SLC8A1: variants seen among roughly 807,000 people sequenced by gnomAD.
The protein encoded by SLC8A1 is sodium/calcium exchanger 1.
In SLC8A1, 18 loss-of-function variants were observed where a neutral mutation model predicts 68.3. The observed-to-expected ratio is 0.26, with a 90% confidence interval of 0.18 to 0.39. The LOEUF is 0.39. SLC8A1 is among the 10% of genes least tolerant of loss of function. The pLI is 1.00. For missense variants in SLC8A1, 985 were observed against 1,156.7 expected, an observed-to-expected ratio of 0.85 and a Z score of 2.15; for synonymous variants, 475 against 415.5, an observed-to-expected ratio of 1.14 and a Z score of -1.74.
chr2:40,124,059 C>T (rs1034526110), intron 7 of SLC8A1, among the ~76,000 whole-genome samples: 3 of 152,224 alleles, frequency 2.0e-5, no homozygotes, highest in Non-Finnish European at 4.4e-5. Flanking sequence ...CTCAAATTCT[C>T]TTCTCTCCTA....
intron 2 of SLC8A1, among the ~76,000 whole-genome samples, chr2:40,233,064 T>G (rs2059897932): frequency 6.6e-6 from 1 of 152,158 alleles, no homozygotes; most frequent in Non-Finnish European, 1.5e-5. Flanking sequence ...AACATACGTG[T>G]GCATGTGTCT....
chr2:40,447,891 T>C (rs1701743049), intron 1 of SLC8A1, among the ~76,000 whole-genome samples: 1 of 152,220 alleles, frequency 6.6e-6, no homozygotes, highest in African/African-American at 2.4e-5. Context: ...CTTCCACATG[T>C]TCCCCTCCTT....
At chr2:40,154,557 G>A (rs1393987227) in intron 6 of SLC8A1, among the ~76,000 whole-genome samples, 1 of 141,358 alleles carries the variant, frequency 7.1e-6, no homozygotes, top group African/African-American at 2.6e-5. Flanking sequence ...TCGATCTTCT[G>A]ACCTCATGAT....
chr2:40,381,515 T>A (rs1214106768), intron 2 of SLC8A1, among the ~76,000 whole-genome samples: 2 of 151,926 alleles, frequency 1.3e-5, no homozygotes, highest in African/African-American at 4.8e-5. Context: ...AAAATTTTAT[T>A]CATCTCACAG....
intron 2 of SLC8A1, among the ~76,000 whole-genome samples, chr2:40,247,919 A>C (rs534306622): frequency 1.3e-5 from 2 of 152,310 alleles, no homozygotes; most frequent in African/African-American, 4.8e-5. Context: ...AGGCAAAAAT[A>C]AACTTATGTC....
chr2:40,439,888 T>C (rs116068006), intron 1 of SLC8A1, among the ~76,000 whole-genome samples: 2,597 of 152,252 alleles, frequency 0.017, 62 homozygotes, highest in African/African-American at 0.06. Flanking sequence ...TGTTGTATGC[T>C]ACAATTTTCT....
At chr2:40,228,318 T>G (rs1187849620) in intron 2 of SLC8A1, among the ~76,000 whole-genome samples, 1 of 152,236 alleles carries the variant, frequency 6.6e-6, no homozygotes, top group Non-Finnish European at 1.5e-5. Flanking sequence ...AATATGCTTA[T>G]GTAAGAATTC....
chr2:40,110,221 G>A (rs1334116836), exon 8 of SLC8A1: 3 of 151,708 alleles, frequency 2.0e-5, no homozygotes, highest in Non-Finnish European at 4.4e-5. Flanking sequence ...TTTGAGAGAC[G>A]ATTAATCATG....
intron 2 of SLC8A1, among the ~76,000 whole-genome samples, chr2:40,369,776 G>A: frequency 6.6e-6 from 1 of 152,058 alleles, no homozygotes; most frequent in East Asian, 1.9e-4. Flanking sequence ...AGAGCCAATT[G>A]AGGAATCATC....
chr2:40,173,520 G>C (rs1412895018), intron 4 of SLC8A1, among the ~76,000 whole-genome samples: 1 of 152,134 alleles, frequency 6.6e-6, no homozygotes. Context: ...GAGAGCAACA[G>C]CCCATGTGAA....
At chr2:40,114,354 C>CT (rs1391585628) in exon 8 of SLC8A1, 2 of 152,678 alleles carry the variant, frequency 1.3e-5, no homozygotes, top group Non-Finnish European at 2.9e-5. Context: ...CGATGATGTG[C>CT]TTTTTGAATG....
chr2:40,406,599 G>A (rs1222220860), intron 2 of SLC8A1, among the ~76,000 whole-genome samples: 2 of 152,132 alleles, frequency 1.3e-5, no homozygotes, highest in Non-Finnish European at 2.9e-5. Flanking sequence ...AGCTAGAAGA[G>A]GGGAATATCT....
chr2:40,253,027 A>C (rs111206694), intron 2 of SLC8A1, among the ~76,000 whole-genome samples: 1 of 96,910 alleles, frequency 1.0e-5, no homozygotes, highest in East Asian at 2.2e-4. Flanking sequence ...ATATATGTAT[A>C]TACATATGTA....
intron 2 of SLC8A1, among the ~76,000 whole-genome samples, chr2:40,413,714 A>T (rs1311489828): frequency 6.6e-6 from 1 of 152,204 alleles, no homozygotes; most frequent in Non-Finnish European, 1.5e-5. Flanking sequence ...AACGTCTTTA[A>T]GAGGGAGCTC....
At chr2:40,449,921 G>T (rs1446151196) in intron 1 of SLC8A1, among the ~76,000 whole-genome samples, 2 of 152,132 alleles carry the variant, frequency 1.3e-5, no homozygotes, top group Admixed American at 6.6e-5. Flanking sequence ...ACCATTTTAA[G>T]GGGACAAAAT....
At chr2:40,128,231 T>C (rs2038562259) in intron 7 of SLC8A1, among the ~76,000 whole-genome samples, 1 of 152,274 alleles carries the variant, frequency 6.6e-6, no homozygotes, top group Admixed American at 6.5e-5. Flanking sequence ...TTATTTGTTC[T>C]CTTTTCTAAA....
intron 2 of SLC8A1, among the ~76,000 whole-genome samples, chr2:40,188,898 A>G (rs748214143): frequency 1.7e-4 from 26 of 152,228 alleles, no homozygotes; most frequent in Non-Finnish European, 3.4e-4. Flanking sequence ...TTTCTTGAAC[A>G]TGGCTAAAAG....
chr2:40,482,493 C>G (rs2149913966), intron 1 of SLC8A1, among the ~76,000 whole-genome samples: 1 of 152,240 alleles, frequency 6.6e-6, no homozygotes, highest in Non-Finnish European at 1.5e-5. Context: ...CTTTAGGGTC[C>G]CTGAAGCATA....
intron 7 of SLC8A1, among the ~76,000 whole-genome samples, chr2:40,136,518 G>A (rs115472941): frequency 0.011 from 1,717 of 152,268 alleles, 36 homozygotes; most frequent in African/African-American, 0.04. Context: ...GTCTAACCTA[G>A]AAAGAAGCAG....
Sources: gnomAD v4.1 joint callset for allele counts (sites outside exome capture counted in the v4.1 genomes callset) on GRCh38, gnomAD v4.1.1 for gene constraint, MANE v1.5 for transcripts, NCBI Gene and HGNC (gene_info 2026-07-23, HGNC 2026-07-21) for gene names.